The following PIN1 variants were observed in gnomAD, a reference collection of about 807,000 sequenced individuals.
PIN1 encodes peptidylprolyl cis/trans isomerase, NIMA-interacting 1.
Under a neutral mutation model 19.9 loss-of-function variants are expected in PIN1, and 8 were observed. That is an observed-to-expected ratio of 0.40 (90% CI 0.24 to 0.72). PIN1 has a LOEUF of 0.72. Among genes scored for constraint, PIN1 ranks in the 30% least tolerant of loss-of-function variants. PIN1 has a pLI of 0.37. For missense variants in PIN1, 185 were observed against 226.5 expected (o/e 0.82, Z 1.18); for synonymous variants, 86 against 90.8 (o/e 0.95, Z 0.30).
Position 9,843,061 on chromosome 19 carries a change from C to T in PIN1, c.271+4413C>T, listed in dbSNP as rs114644145. Among the ~76,000 whole-genome samples the T allele has an allele frequency of 7.3e-3, 1,113 of 152,366 alleles. 16 individuals are homozygous for T. The highest frequency in any genetic ancestry group is 0.025 in the African/African-American group (1,045 of 41,580). ...TGTCAGAGATCCAAGGGAGTCATTG[C>T]CAGTGTCCTTGTCTAAGGAGGATGG... is the stretch of plus-strand genomic sequence containing the variant. On this transcript the variant is annotated intron_variant, in intron 2 of 3. Transcript: ENST00000247970.
chr19:9,835,648 A>ATGGCCC, intron 1 of PIN1: 1 of 476,804 alleles, frequency 2.1e-6, no homozygotes, highest in Non-Finnish European at 3.6e-6. Flanking sequence ...GTCCGGGGCG[A>ATGGCCC]TGGCCCTGGC....
chr19:9,848,401 A>G (rs370507014), intron 3 of PIN1: 3 of 497,184 alleles, frequency 6.0e-6, no homozygotes, highest in East Asian at 7.3e-5. Context: ...CTGTGCACAG[A>G]TGTCCTCATC....
rs2046242878 is a variant in PIN1 at position 9,848,380 on chromosome 19, C to T, written c.382+240C>T. On this transcript the variant is annotated intron_variant, in intron 3 of 3. Transcript: ENST00000247970. ...TCATCTCTACCCTGGGGGGCATGGT[C>T]TCTTGTGTGTCTGTGCACAGATGTC... The T allele has an allele frequency of 1.5e-5, 8 of 538,612 alleles. No individual in the cohort carries two copies. In the South Asian group the frequency reaches 1.6e-4, roughly 11 times the overall value. 33.4% of individuals were successfully genotyped at this position (538,612 alleles called of 1,614,324 possible). A position where few individuals can be genotyped will look rare whatever the true frequency, so the allele number is the denominator to read the frequency against.
chr19:9,845,246 T>A (rs1246683979), intron 2 of PIN1, among the ~76,000 whole-genome samples: 1 of 116,840 alleles, frequency 8.6e-6, no homozygotes, highest in African/African-American at 6.2e-5. Context: ...GAAAGCGTTT[T>A]TGTTTGTTTG....
At chr19:9,847,752 C>T (rs1379038161) in intron 2 of PIN1, among the ~76,000 whole-genome samples, 1 of 152,130 alleles carries the variant, frequency 6.6e-6, no homozygotes, top group Non-Finnish European at 1.5e-5. Context: ...GGATGTGAGA[C>T]CTGCAGGGTG....
chr19:9,835,519 C>T lies in PIN1; in HGVS notation c.58+117C>T, dbSNP rs77597106. The stretch of plus-strand genomic sequence containing the variant: ...CCCTCCCATGGGGTCCTGGCTCTTC[C>T]GCGTCGTCCCCGGGGTAACGGCCCC... On this transcript the variant is annotated intron_variant, in intron 1 of 3. Transcript: ENST00000247970. 241 of 715,178 alleles carry T rather than the reference C, an allele frequency of 3.4e-4. No homozygotes were observed. The East Asian group carries it at 8.1e-3, about 24-fold the overall frequency. 44.3% of individuals were successfully genotyped at this position (715,178 alleles called of 1,614,324 possible). A position where few individuals can be genotyped will look rare whatever the true frequency, so the allele number is the denominator to read the frequency against.
chr19:9,844,191 C>T (rs1042666409), intron 2 of PIN1, among the ~76,000 whole-genome samples: 3 of 152,178 alleles, frequency 2.0e-5, no homozygotes, highest in African/African-American at 7.2e-5. Flanking sequence ...TTTGGGGTGA[C>T]ACAAACATTG....
At chr19:9,841,161 A>C (rs1326864106) in intron 2 of PIN1, among the ~76,000 whole-genome samples, 2 of 152,146 alleles carry the variant, frequency 1.3e-5, no homozygotes, top group Non-Finnish European at 2.9e-5. Context: ...ATGTTATTAC[A>C]TATGCACACC....
At chr19:9,845,449 T>C (rs748927567) in intron 2 of PIN1, among the ~76,000 whole-genome samples, 1 of 151,860 alleles carries the variant, frequency 6.6e-6, no homozygotes, top group Non-Finnish European at 1.5e-5. Flanking sequence ...TGGAGTGCAG[T>C]GGCAACGATC....
chr19:9,841,291 C>T (rs948493421), intron 2 of PIN1, among the ~76,000 whole-genome samples: 1 of 152,200 alleles, frequency 6.6e-6, no homozygotes, highest in African/African-American at 2.4e-5. Flanking sequence ...GCCTCCTGAC[C>T]TCTGAGGGCA....
At chr19:9,848,245 C>G in intron 3 of PIN1, 105 bp downstream of exon 3, 1 of 712,884 alleles carries the variant, frequency 1.4e-6, no homozygotes, top group Admixed American at 2.0e-5. Context: ...CACCGGCCTT[C>G]GGGGTCCAGC....
intron 2 of PIN1, among the ~76,000 whole-genome samples, chr19:9,845,263 T>G (rs1483419751): frequency 6.8e-6 from 1 of 146,056 alleles, no homozygotes; most frequent in East Asian, 2.0e-4. Flanking sequence ...TTTGTTTGTT[T>G]GTTTGTTTGT....
intron 2 of PIN1, among the ~76,000 whole-genome samples, chr19:9,842,843 C>T (rs563588865): frequency 1.2e-3 from 189 of 152,330 alleles, no homozygotes; most frequent in African/African-American, 4.3e-3. Flanking sequence ...GATCAGGAGA[C>T]CATGATTTGG....
At chr19:9,840,033 C>A (rs1372159653) in intron 2 of PIN1, among the ~76,000 whole-genome samples, 2 of 152,086 alleles carry the variant, frequency 1.3e-5, no homozygotes, top group Non-Finnish European at 2.9e-5. Flanking sequence ...AAATTGGTTT[C>A]TCAATTGCAC....
chr19:9,841,716 G>C (rs2046167952), intron 2 of PIN1, among the ~76,000 whole-genome samples: 1 of 152,218 alleles, frequency 6.6e-6, no homozygotes. Flanking sequence ...GGTTGCCCCA[G>C]AGCAAGAAGA....
At chr19:9,843,302 C>T (rs1164030647) in intron 2 of PIN1, among the ~76,000 whole-genome samples, 2 of 152,286 alleles carry the variant, frequency 1.3e-5, no homozygotes, top group African/African-American at 2.4e-5. Context: ...GCCTCTAGCC[C>T]CTCCTTCTGG....
chr19:9,844,049 CAAAAA>C (rs919440454), intron 2 of PIN1, among the ~76,000 whole-genome samples: 10 of 146,756 alleles, frequency 6.8e-5, no homozygotes, highest in Admixed American at 2.0e-4. Flanking sequence ...GATTCTGCCT[CAAAAA>C]AAAAAGGGGC....
intron 2 of PIN1, among the ~76,000 whole-genome samples, chr19:9,843,894 TA>T (rs1048808423): frequency 6.6e-6 from 1 of 150,470 alleles, no homozygotes; most frequent in African/African-American, 2.4e-5. Flanking sequence ...CTAAAAATAC[TA>T]AAAAAAAAGC....
chr19:9,842,170 G>A (rs910479849), intron 2 of PIN1, among the ~76,000 whole-genome samples: 3 of 152,184 alleles, frequency 2.0e-5, no homozygotes, highest in Non-Finnish European at 4.4e-5. Flanking sequence ...TTGAACTTGG[G>A]GGCTGGAAGT....
Sources: gnomAD v4.1 joint callset for allele counts (sites outside exome capture counted in the v4.1 genomes callset) on GRCh38, gnomAD v4.1.1 for gene constraint, MANE v1.5 for transcripts, NCBI Gene and HGNC (gene_info 2026-07-23, HGNC 2026-07-21) for gene names.